Variants in FAM117A observed in about 807,000 individuals in gnomAD.
FAM117A encodes the protein protein FAM117A.
A neutral mutation model predicts 44.1 loss-of-function variants in FAM117A; 21 were observed. The observed-to-expected ratio is 0.48, with a 90% CI of 0.34 to 0.69. The LOEUF (loss-of-function observed/expected upper bound fraction) is 0.69. Ranked by LOEUF, FAM117A falls within the 30% of genes least tolerant of loss-of-function variation. The pLI is 0.01. For missense variants in FAM117A, 498 were observed against 589.9 expected (o/e 0.84, Z 1.61); for synonymous variants, 220 against 238.3 (o/e 0.92, Z 0.71).
chr17:49,770,591 T>C (rs2073758210), intron 1 of FAM117A, among the ~76,000 whole-genome samples: 1 of 152,140 alleles, frequency 6.6e-6, no homozygotes, highest in African/African-American at 2.4e-5. Flanking sequence ...GGTTGCACAA[T>C]TCTATAAATA....
At chr17:49,754,366 G>A (rs905295897) in intron 1 of FAM117A, among the ~76,000 whole-genome samples, 9 of 151,494 alleles carry the variant, frequency 5.9e-5, no homozygotes, top group African/African-American at 1.9e-4. Context: ...GTGTAGTGGC[G>A]CCATCTCGGC....
intron 1 of FAM117A, among the ~76,000 whole-genome samples, chr17:49,754,450 G>A (rs1451289158): frequency 1.3e-5 from 2 of 151,928 alleles, no homozygotes; most frequent in Non-Finnish European, 2.9e-5. Context: ...GACTACAGGA[G>A]CCCACCACCA....
chr17:49,722,567 C>A lies in FAM117A; in HGVS notation c.394G>T (p.Gly132Cys). 6.2e-7 allele frequency: 1 copy of A among 1,613,968 alleles called. No homozygotes were observed. The highest frequency in any genetic ancestry group is 8.5e-7 in the Non-Finnish European group (1 of 1,179,952). Reference protein sequence around the residue: ...QTPLSWQELEGERASSCAHKR... With the variant: ...QTPLSWQELECERASSCAHKR... ...TGTGCACAGGAACTGGCACGCTCAC[C>A]TTCTAGCTCTTGCCAGGACAGGGGC... The change falls in exon 3 of 8, where the codon GGT (glycine) becomes TGT (cysteine). Residue 132 changes from glycine (G) to cysteine (C), a missense_variant. By Grantham distance (159) the Gly-to-Cys change is radical. Around this residue, in one of 3 missense-constraint regions of FAM117A, gnomAD observed 270 missense variants for 277.4 expected, o/e 0.97. Coordinates refer to ENST00000240364, the MANE Select transcript of FAM117A (RefSeq NM_030802.4).
chr17:49,772,144 T>C (rs2073762856), intron 1 of FAM117A, among the ~76,000 whole-genome samples: 1 of 151,680 alleles, frequency 6.6e-6, no homozygotes, highest in African/African-American at 2.4e-5. Flanking sequence ...ATTTAAAAAA[T>C]TAGCCAGGTA....
chr17:49,776,955 ACTCACTCCTTGACTCTGT>A (rs2143802258), intron 1 of FAM117A, among the ~76,000 whole-genome samples: 1 of 152,172 alleles, frequency 6.6e-6, no homozygotes, highest in South Asian at 2.1e-4. Flanking sequence ...AGAGAAAAAG[ACTCACTCCTTGACTCTGT>A]CTCCCCACCT....
chr17:49,713,804 C>T (rs1260586169), intron 7 of FAM117A, among the ~76,000 whole-genome samples: 5 of 152,166 alleles, frequency 3.3e-5, no homozygotes, highest in African/African-American at 7.2e-5. Flanking sequence ...CTGCACCCAG[C>T]CAATTACCAT....
chr17:49,773,617 C>T (rs2073767780), intron 1 of FAM117A, among the ~76,000 whole-genome samples: 2 of 152,190 alleles, frequency 1.3e-5, no homozygotes, highest in African/African-American at 4.8e-5. Flanking sequence ...ACTCCATCTT[C>T]ACCATCATTT....
At chr17:49,725,490 G>A (rs1249161729) in intron 2 of FAM117A, among the ~76,000 whole-genome samples, 1 of 152,198 alleles carries the variant, frequency 6.6e-6, no homozygotes, top group African/African-American at 2.4e-5. Context: ...ATGCTGGGTG[G>A]GGGATACAAT....
At chr17:49,724,275 C>G (rs969474626) in intron 2 of FAM117A, 1 of 449,644 alleles carries the variant, frequency 2.2e-6, no homozygotes, top group Non-Finnish European at 4.5e-6. Context: ...GAAGCTGGGC[C>G]CCGCACCCCC....
At chr17:49,723,135 T>A (rs949701904) in intron 2 of FAM117A, among the ~76,000 whole-genome samples, 1 of 152,070 alleles carries the variant, frequency 6.6e-6, no homozygotes, top group Non-Finnish European at 1.5e-5. Flanking sequence ...TATGGTGCAG[T>A]GCTTCATTTT....
chr17:49,762,743 T>G (rs1167423346), intron 1 of FAM117A, among the ~76,000 whole-genome samples: 1 of 152,228 alleles, frequency 6.6e-6, no homozygotes, highest in Non-Finnish European at 1.5e-5. Flanking sequence ...GCTTTGGAAG[T>G]GTGCAATGAT....
intron 1 of FAM117A, among the ~76,000 whole-genome samples, chr17:49,779,543 C>T (rs2073783655): frequency 6.6e-6 from 1 of 152,176 alleles, no homozygotes; most frequent in Admixed American, 6.5e-5. Context: ...TTTGGAACAG[C>T]CCCAAGACTA....
At chr17:49,730,950 T>G (rs1163822632) in intron 2 of FAM117A, among the ~76,000 whole-genome samples, 1 of 152,228 alleles carries the variant, frequency 6.6e-6, no homozygotes, top group Non-Finnish European at 1.5e-5. Flanking sequence ...TCTCATCCCT[T>G]GGCTGTCTGT....
Position 49,781,982 on chromosome 17 carries a change from AT to A in FAM117A, c.-621+6514del, listed in dbSNP as rs545364354. Among the ~76,000 whole-genome samples, 6 of 151,964 alleles carry A rather than the reference AT, an allele frequency of 3.9e-5. No individual in the cohort carries two copies. The South Asian group carries it at 1.2e-3, about 32-fold the overall frequency. ...CAGAGCAAGATCCTGTCTCAAAAAA[AT>A]AAAATAAAATTTCATGTAAATAATG... On this transcript the variant is annotated intron_variant, in intron 1 of 7. Transcript: ENST00000513602.
At chr17:49,732,806 C>T (rs1017555202) in intron 1 of FAM117A, 86 bp from the exon 2 acceptor site, 2 of 1,405,494 alleles carry the variant, frequency 1.4e-6, no homozygotes, top group Non-Finnish European at 1.9e-6. Context: ...AGAGATGTGG[C>T]CTGCCTGCCC....
intron 1 of FAM117A, among the ~76,000 whole-genome samples, chr17:49,782,172 G>C (rs907776707): frequency 6.6e-6 from 1 of 151,536 alleles, no homozygotes; most frequent in Non-Finnish European, 1.5e-5. Context: ...TCAGGAGATC[G>C]AGACCATCCT....
chr17:49,747,176 C>T (rs2073657405), intron 1 of FAM117A: 1 of 151,916 alleles, frequency 6.6e-6, no homozygotes, highest in African/African-American at 2.4e-5. Context: ...GAAGATTTGC[C>T]TTACCTAGGC....
Position 49,711,215 on chromosome 17 carries a change from G to T in FAM117A, c.*40C>A. ...ACCTGGGGAGGGACCTGCCACCAAG[G>T]CACTGGTCTCTATGGTAAAGTGGGG... On this transcript the variant is annotated 3_prime_UTR_variant, in exon 8 of 8. Coordinates refer to ENST00000240364, the MANE Select transcript of FAM117A (RefSeq NM_030802.4). 1 of 1,538,474 alleles carries T rather than the reference G, an allele frequency of 6.5e-7. No individual in the cohort carries two copies. The highest frequency in any genetic ancestry group is 1.2e-5 in the South Asian group (1 of 80,778).
chr17:49,714,307 GA>G (rs1248575497), intron 7 of FAM117A, among the ~76,000 whole-genome samples: 1 of 150,370 alleles, frequency 6.7e-6, no homozygotes, highest in Non-Finnish European at 1.5e-5. Context: ...GCATATCTTA[GA>G]AAATCACTGA....
Sources: gnomAD v4.1 joint callset for allele counts (sites outside exome capture counted in the v4.1 genomes callset) on GRCh38, gnomAD v4.1.1 for gene constraint, gnomAD v4.1.1 regional missense constraint, MANE v1.5 for transcripts, NCBI Gene and HGNC (gene_info 2026-07-23, HGNC 2026-07-21) for gene names.